MSN: variants seen among roughly 807,000 people sequenced by gnomAD.
MSN encodes the protein epididymis luminal protein 70.
MSN carries 2 observed loss-of-function variants against 48.0 expected under a neutral mutation model. The observed-to-expected ratio is 0.04, with a 90% CI of 0.02 to 0.13. MSN has a LOEUF of 0.13. Among genes scored for constraint, MSN ranks in the 10% least tolerant of loss-of-function variants. The pLI, the probability that MSN is intolerant of heterozygous loss-of-function variation, is 1.00. For synonymous variants in MSN, 146 were observed against 166.9 expected, an observed-to-expected ratio of 0.87 and a Z score of 0.97; for missense variants, 267 against 470.1, an observed-to-expected ratio of 0.57 and a Z score of 3.99.
intron 1 of MSN, among the ~76,000 whole-genome samples, chrX:65,682,718 A>G (rs753810648): frequency 2.9e-4 from 33 of 112,312 alleles, no homozygotes; most frequent in Non-Finnish European, 5.1e-4. Context: ...CATAAAGTAG[A>G]TTCTCAACAA....
At chrX:65,636,475 G>C (rs1158182691) in intron 1 of MSN, among the ~76,000 whole-genome samples, 1 of 110,819 alleles carries the variant, frequency 9.0e-6, no homozygotes, top group East Asian at 2.8e-4. Flanking sequence ...GGTGGCTCAT[G>C]CCTATAATCC....
intron 8 of MSN, among the ~76,000 whole-genome samples, chrX:65,735,978 G>A (rs1259976293): frequency 9.0e-6 from 1 of 111,521 alleles, no homozygotes; most frequent in Non-Finnish European, 1.9e-5. Context: ...GAGGTGCTAG[G>A]GCAAGAAAAA....
chrX:65,654,876 G>T (rs987098166), intron 1 of MSN, among the ~76,000 whole-genome samples: 2 of 111,125 alleles, frequency 1.8e-5, no homozygotes, highest in African/African-American at 6.6e-5. Context: ...TTGTAGGTGG[G>T]AGCTTTTTAT....
intron 1 of MSN, among the ~76,000 whole-genome samples, chrX:65,622,735 T>C (rs1438510610): frequency 1.8e-5 from 2 of 110,457 alleles, no homozygotes; most frequent in African/African-American, 6.6e-5. Context: ...CAGGCTGATC[T>C]TGAACTCCTG....
upstream of MSN, among the ~76,000 whole-genome samples, chrX:65,665,725 C>T (rs2070862209): frequency 9.0e-6 from 1 of 111,525 alleles, no homozygotes; most frequent in Admixed American, 9.5e-5. Flanking sequence ...CTTGGAAGCC[C>T]CGGAGTCCAG....
chrX:65,642,134 C>CAAAAAAA (rs1220561125), intron 1 of MSN, among the ~76,000 whole-genome samples: 1 of 59,741 alleles, frequency 1.7e-5, no homozygotes, highest in Non-Finnish European at 2.9e-5. Context: ...AACTCCATCT[C>CAAAAAAA]AAAAAAAAAA....
At chrX:65,689,681 A>G (rs1208395664) in intron 1 of MSN, among the ~76,000 whole-genome samples, 1 of 111,344 alleles carries the variant, frequency 9.0e-6, no homozygotes, top group Non-Finnish European at 1.9e-5. Context: ...TCTTGTCACC[A>G]TTCCCTCTGT....
intron 1 of MSN, among the ~76,000 whole-genome samples, chrX:65,626,116 G>A (rs1331868456): frequency 3.6e-5 from 4 of 110,115 alleles, no homozygotes; most frequent in African/African-American, 6.6e-5. Context: ...CACCATGCCC[G>A]GCTAATTTTT....
intron 1 of MSN, among the ~76,000 whole-genome samples, chrX:65,661,012 G>A (rs1314246206): frequency 9.0e-6 from 1 of 111,365 alleles, no homozygotes; most frequent in Non-Finnish European, 1.9e-5. Flanking sequence ...CACCCAGGCT[G>A]GAGTGCAGTG....
rs950958519 is a variant in MSN at position 65,701,221 on chromosome X, G to A, written c.13-15597G>A. Reference sequence around the variant, plus strand: ...TTGTGATCATCATGCTTTGGCTGCTGAAGTATCTGAACTGTCTGTTTTCTC... The same window carrying A: ...TTGTGATCATCATGCTTTGGCTGCTAAAGTATCTGAACTGTCTGTTTTCTC... On this transcript the variant is annotated intron_variant, in intron 1 of 12. Transcript: ENST00000360270. 5.4e-5 allele frequency among the ~76,000 whole-genome samples: 6 copies of A among 111,993 alleles called. No individual in the cohort carries two copies. In the East Asian group the frequency reaches 1.7e-3, roughly 31 times the overall value.
chrX:65,717,507 G>T (rs758013888), intron 2 of MSN, among the ~76,000 whole-genome samples: 5 of 112,216 alleles, frequency 4.5e-5, no homozygotes, highest in African/African-American at 1.6e-4. Context: ...TTGCTTACTC[G>T]CCATAGTGAA....
chrX:65,610,099 A>T (rs1417881051), intron 1 of MSN, among the ~76,000 whole-genome samples: 1 of 111,799 alleles, frequency 8.9e-6, no homozygotes, highest in African/African-American at 3.3e-5. Flanking sequence ...CTGTGGCAAA[A>T]TACATATCAC....
rs2071603276 is a variant in MSN at position 65,729,684 on chromosome X, C to G, written c.439C>G (p.Leu147Val). The change falls in exon 4 of 13, where the codon CTG becomes GTG. Residue 147 changes from leucine to valine, a missense_variant. Leu to Val is a conservative substitution (Grantham distance 32, BLOSUM62 1). This residue lies in a region of MSN where 89 missense variants were observed against 151.0 expected (regional missense o/e 0.59). Coordinates refer to ENST00000360270, the MANE Select transcript of MSN (RefSeq NM_002444.3). ...FNKEVHKSGY[L>V]AGDKLLPQRV... ...TAAGGAAGTGCATAAGTCTGGCTAC[C>G]TGGCCGGAGACAAGTTGCTCCCGCA... The G allele has an allele frequency of 8.3e-7, 1 of 1,211,151 alleles. No individual in the cohort carries two copies. The highest frequency in any genetic ancestry group is 1.1e-6 in the Non-Finnish European group (1 of 895,169).
intron 1 of MSN, among the ~76,000 whole-genome samples, chrX:65,622,514 T>C (rs867503729): frequency 0.11 from 10,231 of 97,089 alleles, 1,534 homozygotes; most frequent in African/African-American, 0.39. Context: ...ATCTTTGTTT[T>C]TTTTTTTTTT....
chrX:65,630,525 G>T (rs1043948519), intron 1 of MSN, among the ~76,000 whole-genome samples: 1 of 111,502 alleles, frequency 9.0e-6, no homozygotes, highest in African/African-American at 3.3e-5. Flanking sequence ...GGGGCTGGAG[G>T]ATGCAATGAA....
intron 1 of MSN, among the ~76,000 whole-genome samples, chrX:65,644,037 G>A (rs777058659): frequency 4.5e-5 from 5 of 111,873 alleles, no homozygotes; most frequent in Admixed American, 9.5e-5. Flanking sequence ...TTTCTCTTCT[G>A]TAAAATGGGG....
At position 65,735,397 on chromosome X, in the gene MSN, C is replaced by T; in HGVS notation, c.926C>T (p.Ala309Val). ...TIEVQQMKAQ[A>V]REEKHQKQME... ...GAGGTGCAGCAGATGAAGGCACAGGCCCGGGAGGAGAAGCACCAGAAGCAG... is the reference window on the plus strand; with the variant it reads ...GAGGTGCAGCAGATGAAGGCACAGGTCCGGGAGGAGAAGCACCAGAAGCAG... Residue 309 changes from alanine to valine, a missense_variant, in exon 8 of 13, where the codon GCC (alanine) becomes GTC (valine). Around this residue, in one of 5 missense-constraint regions of MSN, gnomAD observed 58 missense variants for 104.6 expected, o/e 0.55. Coordinates refer to ENST00000360270, the MANE Select transcript of MSN (RefSeq NM_002444.3). 1 of 1,208,540 alleles carries T rather than the reference C, an allele frequency of 8.3e-7. No individual in the cohort carries two copies. Among genetic ancestry groups the T allele is most frequent in the Non-Finnish European group, 1.1e-6 (1 of 893,895 alleles).
chrX:65,641,265 C>T (rs2070646941), intron 1 of MSN, among the ~76,000 whole-genome samples: 2 of 108,396 alleles, frequency 1.8e-5, no homozygotes, highest in African/African-American at 6.7e-5. Context: ...TGTGGTTGCT[C>T]ACGCCTGTAA....
chrX:65,659,000 G>A (rs1202320410), intron 1 of MSN, among the ~76,000 whole-genome samples: 8 of 106,218 alleles, frequency 7.5e-5, no homozygotes, highest in Admixed American at 4.1e-4. Context: ...ATGTGCCACC[G>A]TGCCTAGCTA....
Sources: gnomAD v4.1 joint callset for allele counts (sites outside exome capture counted in the v4.1 genomes callset) on GRCh38, gnomAD v4.1.1 for gene constraint, gnomAD v4.1.1 regional missense constraint, MANE v1.5 for transcripts, NCBI Gene and HGNC (gene_info 2026-07-23, HGNC 2026-07-21) for gene names.